The following CTNNA2 variants were observed in gnomAD, a reference collection of about 807,000 sequenced individuals.
CTNNA2 encodes the protein catenin alpha 2, also known as catenin alpha-2.
CTNNA2 carries 42 observed loss-of-function variants against 101.0 expected under a neutral mutation model. That is an observed-to-expected ratio of 0.42 (90% CI 0.32 to 0.54). The LOEUF (loss-of-function observed/expected upper bound fraction) is 0.54, where lower values mean the gene tolerates loss of function less well. CTNNA2 is among the 20% of genes least tolerant of loss of function. The probability of loss-of-function intolerance (pLI) is 0.14; values close to 1 mark genes in which losing one functional copy is unlikely to be tolerated. For missense variants in CTNNA2, 871 were observed against 1,223.1 expected, an observed-to-expected ratio of 0.71 and a Z score of 4.29; for synonymous variants, 450 against 456.4, an observed-to-expected ratio of 0.99 and a Z score of 0.18.
intron 7 of CTNNA2, among the ~76,000 whole-genome samples, chr2:80,040,102 A>G (rs532696636): frequency 1.4e-3 from 207 of 152,358 alleles, no homozygotes; most frequent in Non-Finnish European, 2.6e-3. Flanking sequence ...AAACTCTGGC[A>G]GTTTGTACCA....
chr2:80,559,164 G>T (rs1454995575), intron 12 of CTNNA2, among the ~76,000 whole-genome samples: 1 of 152,168 alleles, frequency 6.6e-6, no homozygotes, highest in Non-Finnish European at 1.5e-5. Context: ...CTAAAGTAAA[G>T]AAATAACCCA....
intron 7 of CTNNA2, among the ~76,000 whole-genome samples, chr2:80,073,207 TG>T (rs1317558593): frequency 6.6e-6 from 1 of 152,152 alleles, no homozygotes; most frequent in Non-Finnish European, 1.5e-5. Flanking sequence ...TCAAAGGATT[TG>T]GGGACTAATC....
rs1380100993 is a variant in CTNNA2, at chr2:80,480,790, C to T, written c.1290+61189C>T. Among the ~76,000 whole-genome samples, 4 of 152,054 alleles carry T rather than the reference C, an allele frequency of 2.6e-5. No homozygotes were observed. The East Asian group carries it at 5.8e-4, about 22-fold the overall frequency. On this transcript the variant is annotated intron_variant, in intron 9 of 18. Coordinates refer to ENST00000402739, the MANE Select transcript of CTNNA2 (RefSeq NM_001282597.3). Reference sequence around the variant, plus strand: ...TATCACCTCTATATGCTAGTTTTCTCATTTGCCAAATGTGTCTAAAAGGAC... The same window carrying T: ...TATCACCTCTATATGCTAGTTTTCTTATTTGCCAAATGTGTCTAAAAGGAC...
At chr2:79,917,668 CTG>C (rs1686348725) in intron 7 of CTNNA2, among the ~76,000 whole-genome samples, 1 of 152,116 alleles carries the variant, frequency 6.6e-6, no homozygotes. Context: ...AGGTGCTCAA[CTG>C]TGTTTACTGT....
At chr2:79,412,018 C>T (rs1039059062) in intron 4 of CTNNA2, among the ~76,000 whole-genome samples, 4 of 152,030 alleles carry the variant, frequency 2.6e-5, no homozygotes, top group African/African-American at 9.7e-5. Context: ...ATGCAAGACA[C>T]ACATAGGCTC....
intron 3 of CTNNA2, chr2:79,340,080 G>C (rs548291791): frequency 1.3e-5 from 2 of 152,236 alleles, no homozygotes; most frequent in South Asian, 4.1e-4. Flanking sequence ...AAAGGACACC[G>C]ACAGGAATAG....
intron 7 of CTNNA2, among the ~76,000 whole-genome samples, chr2:80,235,993 G>A (rs532041614): frequency 9.9e-5 from 15 of 152,110 alleles, no homozygotes; most frequent in Non-Finnish European, 2.1e-4. Flanking sequence ...CCCAATGTCT[G>A]TTGTTTCCTT....
At chr2:80,175,543 G>T (rs1430205999) in intron 7 of CTNNA2, among the ~76,000 whole-genome samples, 3 of 152,130 alleles carry the variant, frequency 2.0e-5, no homozygotes, top group Admixed American at 6.5e-5. Flanking sequence ...ACATGTGTTT[G>T]CTTCTATATT....
intron 7 of CTNNA2, among the ~76,000 whole-genome samples, chr2:79,933,458 CTTT>C (rs371498775): frequency 1.4e-5 from 2 of 143,718 alleles, no homozygotes; most frequent in African/African-American, 2.5e-5. Context: ...CTGGTATTCT[CTTT>C]TTTTTTTTTT....
chr2:80,511,324 G>A (rs1358817823), intron 9 of CTNNA2, among the ~76,000 whole-genome samples: 4 of 152,102 alleles, frequency 2.6e-5, no homozygotes, highest in Middle Eastern at 3.2e-3. Flanking sequence ...TCAGTGTTAC[G>A]GTTTGAAGCC....
At chr2:79,471,035 G>T (rs1670993164) in intron 4 of CTNNA2, among the ~76,000 whole-genome samples, 1 of 152,144 alleles carries the variant, frequency 6.6e-6, no homozygotes, top group Non-Finnish European at 1.5e-5. Flanking sequence ...TAGAATTGAA[G>T]GTTTGTAACA....
chr2:80,443,495 A>G (rs942952729), intron 9 of CTNNA2, among the ~76,000 whole-genome samples: 1 of 152,198 alleles, frequency 6.6e-6, no homozygotes, highest in Non-Finnish European at 1.5e-5. Context: ...GGGGAGACAA[A>G]GCTAACATTC....
At chr2:80,237,234 A>G (rs758364262) in intron 7 of CTNNA2, among the ~76,000 whole-genome samples, 4 of 152,176 alleles carry the variant, frequency 2.6e-5, no homozygotes, top group African/African-American at 9.7e-5. Context: ...CTAATATCCA[A>G]TGTGGTTACC....
chr2:79,466,901 G>C (rs989800577), intron 4 of CTNNA2, among the ~76,000 whole-genome samples: 1 of 152,076 alleles, frequency 6.6e-6, no homozygotes, highest in Non-Finnish European at 1.5e-5. Flanking sequence ...AAGGACCAAA[G>C]GTAGATAAAA....
chr2:79,993,011 G>A (rs2103907725), intron 7 of CTNNA2, among the ~76,000 whole-genome samples: 1 of 152,110 alleles, frequency 6.6e-6, no homozygotes, highest in African/African-American at 2.4e-5. Flanking sequence ...TCCTCTTTCT[G>A]GGTTCTTTGA....
chr2:79,779,133 G>T (rs867777927), intron 3 of CTNNA2, among the ~76,000 whole-genome samples: 3 of 147,040 alleles, frequency 2.0e-5, no homozygotes, highest in Non-Finnish European at 4.5e-5. Context: ...TTCTGTTGTT[G>T]TTTTTTTTTT....
At chr2:79,241,456 G>T (rs1674624479) in intron 2 of CTNNA2, among the ~76,000 whole-genome samples, 1 of 152,136 alleles carries the variant, frequency 6.6e-6, no homozygotes. Flanking sequence ...GAAGCATTAA[G>T]TCAGTAAAAA....
At chr2:79,341,459 G>A (rs1425478478) in intron 3 of CTNNA2, among the ~76,000 whole-genome samples, 4 of 152,092 alleles carry the variant, frequency 2.6e-5, no homozygotes, top group African/African-American at 9.7e-5. Flanking sequence ...CATTAGTTAT[G>A]GTGTTATGCA....
chr2:79,777,325 T>TTGTGTG (rs1278623175), intron 3 of CTNNA2, among the ~76,000 whole-genome samples: 1 of 124,318 alleles, frequency 8.0e-6, no homozygotes, highest in African/African-American at 3.0e-5. Flanking sequence ...CAAACACTTG[T>TTGTGTG]TATGTGTGTG....
Sources: allele counts gnomAD v4.1 joint callset (sites outside exome capture counted in the v4.1 genomes callset), GRCh38; gene constraint gnomAD v4.1.1; transcripts MANE v1.5; gene names NCBI Gene and HGNC (gene_info 2026-07-23, HGNC 2026-07-21).